Variants in FER observed in about 807,000 individuals in gnomAD.
FER encodes the protein FER tyrosine kinase.
A neutral mutation model predicts 111.0 loss-of-function variants in FER; 63 were observed. That is an observed-to-expected ratio of 0.57 (90% CI 0.46 to 0.70). The LOEUF is 0.70. FER is among the 30% of genes least tolerant of loss of function. FER has a pLI of 0.00. For synonymous variants in FER, 327 were observed against 313.9 expected, an observed-to-expected ratio of 1.04 and a Z score of -0.44; for missense variants, 914 against 954.0, an observed-to-expected ratio of 0.96 and a Z score of 0.55.
intron 3 of FER, among the ~76,000 whole-genome samples, chr5:108,818,887 A>AAGGAG (rs1341276076): frequency 6.6e-6 from 1 of 152,212 alleles, no homozygotes; most frequent in Non-Finnish European, 1.5e-5. Flanking sequence ...AGGTAGCCTA[A>AAGGAG]AGGAGTAGAT....
intron 12 of FER, among the ~76,000 whole-genome samples, chr5:108,957,452 A>G (rs1020244455): frequency 2.0e-5 from 3 of 151,636 alleles, no homozygotes; most frequent in Non-Finnish European, 4.4e-5. Flanking sequence ...CAAAAAAATA[A>G]TAAATGCAGG....
At chr5:109,045,995 C>G (rs181423150) in intron 15 of FER, among the ~76,000 whole-genome samples, 3 of 152,196 alleles carry the variant, frequency 2.0e-5, no homozygotes, top group Non-Finnish European at 4.4e-5. Flanking sequence ...TACGTGCTAT[C>G]CTGCAAACTC....
chr5:108,878,497 G>A (rs1052911364), intron 8 of FER, among the ~76,000 whole-genome samples: 1 of 151,738 alleles, frequency 6.6e-6, no homozygotes, highest in African/African-American at 2.4e-5. Flanking sequence ...TTTTTAACAT[G>A]TATTAAATCT....
chr5:109,088,397 A>G (rs1346564601), intron 16 of FER, among the ~76,000 whole-genome samples: 1 of 152,094 alleles, frequency 6.6e-6, no homozygotes, highest in Non-Finnish European at 1.5e-5. Flanking sequence ...AAAAGATGGA[A>G]TGTTATTTCT....
intron 16 of FER, among the ~76,000 whole-genome samples, chr5:109,075,250 C>T (rs1581917119): frequency 6.6e-6 from 1 of 152,144 alleles, no homozygotes; most frequent in South Asian, 2.1e-4. Flanking sequence ...TGTAGTTATT[C>T]CATTAATACC....
intron 12 of FER, among the ~76,000 whole-genome samples, chr5:108,956,021 C>G (rs1178839429): frequency 6.6e-6 from 1 of 151,612 alleles, no homozygotes; most frequent in East Asian, 1.9e-4. Context: ...AGGAATATAT[C>G]CATTAAAGTA....
chr5:108,859,729 A>C (rs1023974736), intron 5 of FER, among the ~76,000 whole-genome samples: 1 of 152,092 alleles, frequency 6.6e-6, no homozygotes. Context: ...ACTATATGCA[A>C]GGAAATTATA....
intron 17 of FER, among the ~76,000 whole-genome samples, chr5:109,144,285 A>G (rs1328254777): frequency 6.6e-6 from 1 of 152,092 alleles, no homozygotes; most frequent in African/African-American, 2.4e-5. Flanking sequence ...GGCTCCTTAT[A>G]TCTCAGAGGC....
At chr5:109,145,829 T>G (rs1160803415) in intron 17 of FER, among the ~76,000 whole-genome samples, 1 of 152,006 alleles carries the variant, frequency 6.6e-6, no homozygotes, top group East Asian at 1.9e-4. Context: ...TGTTTCTACT[T>G]GCTTTTTTTA....
At chr5:108,914,926 C>T (rs902676709) in intron 10 of FER, among the ~76,000 whole-genome samples, 2 of 152,108 alleles carry the variant, frequency 1.3e-5, no homozygotes, top group African/African-American at 4.8e-5. Context: ...CATTTCTTTT[C>T]TGTGGTATAG....
intron 9 of FER, among the ~76,000 whole-genome samples, chr5:108,885,592 T>C (rs1174906942): frequency 6.6e-6 from 1 of 151,820 alleles, no homozygotes; most frequent in Non-Finnish European, 1.5e-5. Context: ...GTCTTCTCAT[T>C]GTATCCTCAC....
At chr5:109,185,030 A>G (rs755650759) in intron 18 of FER, among the ~76,000 whole-genome samples, 4 of 152,152 alleles carry the variant, frequency 2.6e-5, no homozygotes, top group Non-Finnish European at 5.9e-5. Flanking sequence ...ATGATAGTAT[A>G]TGTAAAAGTA....
chr5:108,785,245 C>A (rs1754562563), intron 2 of FER: 2 of 575,136 alleles, frequency 3.5e-6, no homozygotes, highest in South Asian at 3.7e-5. Flanking sequence ...GCAAGGATGG[C>A]CAGGCCATGC....
At chr5:109,083,959 G>A (rs972694037) in intron 16 of FER, among the ~76,000 whole-genome samples, 1 of 151,864 alleles carries the variant, frequency 6.6e-6, no homozygotes, top group Non-Finnish European at 1.5e-5. Context: ...AAAAATAATA[G>A]GCTAGCTTAT....
intron 10 of FER, among the ~76,000 whole-genome samples, chr5:108,915,666 C>T (rs1374964034): frequency 6.6e-6 from 1 of 151,706 alleles, no homozygotes; most frequent in Non-Finnish European, 1.5e-5. Flanking sequence ...TTTCTCTCCC[C>T]CAGTTTTTTG....
intron 13 of FER, among the ~76,000 whole-genome samples, chr5:109,002,801 G>A (rs894078471): frequency 3.3e-5 from 5 of 152,048 alleles, no homozygotes; most frequent in Admixed American, 6.6e-5. Flanking sequence ...AAAAGGGGGC[G>A]AAGGATATGA....
intron 10 of FER, among the ~76,000 whole-genome samples, chr5:108,923,444 T>G (rs560015508): frequency 6.6e-6 from 1 of 152,142 alleles, no homozygotes; most frequent in Non-Finnish European, 1.5e-5. Context: ...TTTTACGGAG[T>G]AAGACTTTTG....
At chr5:108,897,284 A>G (rs1561580685) in intron 9 of FER, among the ~76,000 whole-genome samples, 1 of 152,112 alleles carries the variant, frequency 6.6e-6, no homozygotes, top group Non-Finnish European at 1.5e-5. Flanking sequence ...CCCTAGCTAT[A>G]TTGCCTTTGA....
At chr5:109,102,070 A>G (rs570989199) in intron 17 of FER, among the ~76,000 whole-genome samples, 4 of 152,162 alleles carry the variant, frequency 2.6e-5, no homozygotes, top group South Asian at 2.1e-4. Context: ...TGTAGTGATT[A>G]TTTTCTTAAA....
Sources: allele counts gnomAD v4.1 joint callset (sites outside exome capture counted in the v4.1 genomes callset), GRCh38; gene constraint gnomAD v4.1.1; transcripts MANE v1.5; gene names NCBI Gene and HGNC (gene_info 2026-07-23, HGNC 2026-07-21).